Variants in DPYD observed in about 807,000 individuals in gnomAD.
DPYD encodes the protein dihydropyrimidine dehydrogenase.
DPYD carries 109 observed loss-of-function variants against 116.2 expected under a neutral mutation model. The ratio of observed to expected loss-of-function variants is 0.94; its 90% CI spans 0.80 to 1.10. DPYD has a LOEUF of 1.10. DPYD is among the 50% of genes least tolerant of loss of function. DPYD has a pLI of 0.00. For synonymous variants in DPYD, 440 were observed against 432.0 expected, an observed-to-expected ratio of 1.02 and a Z score of -0.23; for missense variants, 1,302 against 1,254.5, an observed-to-expected ratio of 1.04 and a Z score of -0.57.
intron 3 of DPYD, among the ~76,000 whole-genome samples, chr1:97,760,655 C>T (rs376763787): frequency 9.9e-5 from 15 of 152,052 alleles, no homozygotes; most frequent in East Asian, 7.7e-4. Flanking sequence ...CCTTGGTGGA[C>T]GACTATAATG....
intron 16 of DPYD, among the ~76,000 whole-genome samples, chr1:97,349,463 A>T (rs1670024242): frequency 6.6e-6 from 1 of 152,020 alleles, no homozygotes; most frequent in Admixed American, 6.6e-5. Context: ...GTCATTTAGC[A>T]TTTGGTATAT....
intron 3 of DPYD, among the ~76,000 whole-genome samples, chr1:97,764,544 C>T (rs1024285370): frequency 4.6e-5 from 7 of 151,940 alleles, no homozygotes; most frequent in African/African-American, 1.7e-4. Context: ...AAACTTTTAA[C>T]TTTATCACTT....
At chr1:97,119,384 A>C (rs1177119184) in intron 20 of DPYD, among the ~76,000 whole-genome samples, 1 of 152,154 alleles carries the variant, frequency 6.6e-6, no homozygotes, top group Admixed American at 6.5e-5. Flanking sequence ...AGATGATATC[A>C]AAGACTGCAG....
chr1:97,703,771 G>T (rs1661739131), intron 5 of DPYD, among the ~76,000 whole-genome samples: 1 of 151,984 alleles, frequency 6.6e-6, no homozygotes, highest in Non-Finnish European at 1.5e-5. Context: ...AATCTCATGA[G>T]CATAGTTAAT....
In DPYD at chr1:97,383,945, A is replaced by G. The variant is rs1006838145; in HGVS notation, c.1906-1484T>C. On this transcript the variant is annotated intron_variant, in intron 14 of 22. Coordinates refer to ENST00000370192, the MANE Select transcript of DPYD (RefSeq NM_000110.4). ...AAACAGAGCAATACCTTGCCTCCAC[A>G]AAAAAATAGAAAAATTAGCTGGGTG... is the stretch of plus-strand genomic sequence containing the variant. Among the ~76,000 whole-genome samples, 43 of 152,050 alleles carry G rather than the reference A, an allele frequency of 2.8e-4. 1 individual carries two copies. The highest frequency in any genetic ancestry group is 8.8e-5 in the Non-Finnish European group (6 of 68,002).
intron 18 of DPYD, among the ~76,000 whole-genome samples, chr1:97,289,182 G>A (rs1665952633): frequency 6.6e-6 from 1 of 152,118 alleles, no homozygotes; most frequent in African/African-American, 2.4e-5. Context: ...CTCTGAAATT[G>A]TGGCAATAAT....
chr1:97,116,974 C>T (rs961545144), intron 20 of DPYD, among the ~76,000 whole-genome samples: 33 of 144,094 alleles, frequency 2.3e-4, no homozygotes, highest in Admixed American at 4.9e-4. Flanking sequence ...CATGGCGAAA[C>T]CCCATGTCTA....
intron 21 of DPYD, among the ~76,000 whole-genome samples, chr1:97,092,853 T>C (rs1028039116): frequency 4.6e-5 from 7 of 152,154 alleles, no homozygotes; most frequent in African/African-American, 1.7e-4. Flanking sequence ...TATTATCAGC[T>C]CTTTACTATA....
rs1034459140 is a variant in DPYD at position 97,290,337 on chromosome 1, T to A, written c.2299+14922A>T. Among the ~76,000 whole-genome samples, 21 of 152,134 alleles carry A rather than the reference T, an allele frequency of 1.4e-4. No individual in the cohort carries two copies. The Middle Eastern group carries it at 0.014, about 99-fold the overall frequency. On this transcript the variant is annotated intron_variant, in intron 18 of 22. Coordinates refer to ENST00000370192, the MANE Select transcript of DPYD (RefSeq NM_000110.4). ...CTTCACAGAATTGGAAAAAACTACT[T>A]TAAAGTTCATATGGAACCAAAAGAG...
At chr1:97,862,792 A>G in intron 2 of DPYD, among the ~76,000 whole-genome samples, 1 of 152,020 alleles carries the variant, frequency 6.6e-6, no homozygotes, top group Middle Eastern at 3.4e-3. Context: ...TATTATATCA[A>G]ATTAAAAACA....
At chr1:97,295,938 A>T (rs1324391972) in intron 18 of DPYD, 1 of 175,992 alleles carries the variant, frequency 5.7e-6, no homozygotes, top group Non-Finnish European at 1.1e-5. Flanking sequence ...TTTTAAGGGA[A>T]TCATTTTCTA....
intron 13 of DPYD, among the ~76,000 whole-genome samples, chr1:97,454,465 A>T (rs1676580521): frequency 6.6e-6 from 1 of 151,952 alleles, no homozygotes; most frequent in Non-Finnish European, 1.5e-5. Flanking sequence ...AAGAATAGTT[A>T]GAGTAGAGAA....
At chr1:97,251,733 G>A (rs1663114116) in intron 18 of DPYD, among the ~76,000 whole-genome samples, 1 of 152,080 alleles carries the variant, frequency 6.6e-6, no homozygotes, top group South Asian at 2.1e-4. Context: ...AAAATGATGA[G>A]CATATAAAGA....
chr1:97,553,353 T>A (rs927553532), intron 11 of DPYD, among the ~76,000 whole-genome samples: 1 of 151,996 alleles, frequency 6.6e-6, no homozygotes, highest in South Asian at 2.1e-4. Context: ...TCCACGTGCA[T>A]GTTATTCATA....
At chr1:97,478,673 C>T (rs1262208822) in intron 13 of DPYD, among the ~76,000 whole-genome samples, 1 of 152,130 alleles carries the variant, frequency 6.6e-6, no homozygotes, top group Non-Finnish European at 1.5e-5. Flanking sequence ...TGCAATTTGC[C>T]CATTACACGA....
intron 1 of DPYD, among the ~76,000 whole-genome samples, chr1:97,899,276 T>G (rs770966066): frequency 2.0e-5 from 3 of 151,808 alleles, no homozygotes; most frequent in Non-Finnish European, 4.4e-5. Context: ...TTAAAAACCC[T>G]GGATACTAAG....
In DPYD at chr1:97,678,364, G is replaced by A. The variant is rs115565138; in HGVS notation, c.850+731C>T. On this transcript the variant is annotated intron_variant, in intron 8 of 22. Transcript: ENST00000370192. The stretch of plus-strand genomic sequence containing the variant: ...GTTCCTAACAGTATAGTACTAGTTC[G>A]TGGCCCCGAGTTTGGGGACCCCGAT... Among the ~76,000 whole-genome samples the A allele has an allele frequency of 4.9e-3, 744 of 152,140 alleles. 10 individuals are homozygous for A. Among genetic ancestry groups the A allele is most frequent in the African/African-American group, 0.011 (455 of 41,504 alleles).
chr1:97,146,064 C>T (rs904037811), intron 20 of DPYD, among the ~76,000 whole-genome samples: 2 of 152,010 alleles, frequency 1.3e-5, no homozygotes, highest in African/African-American at 4.8e-5. Context: ...AATGGCTTAG[C>T]CTTTGGGACT....
chr1:97,769,338 T>C (rs541671009), intron 3 of DPYD, among the ~76,000 whole-genome samples: 2 of 152,268 alleles, frequency 1.3e-5, no homozygotes, highest in South Asian at 4.1e-4. Flanking sequence ...AGGCTTCTTC[T>C]TTACCTTGAA....
Sources: allele counts gnomAD v4.1 joint callset (sites outside exome capture counted in the v4.1 genomes callset), GRCh38; gene constraint gnomAD v4.1.1; transcripts MANE v1.5; gene names NCBI Gene and HGNC (gene_info 2026-07-23, HGNC 2026-07-21).